PDZRN3: variants seen among roughly 807,000 people sequenced by gnomAD.
The protein encoded by PDZRN3 is E3 ubiquitin-protein ligase PDZRN3.
PDZRN3 carries 38 observed loss-of-function variants against 85.7 expected under a neutral mutation model. The observed-to-expected ratio is 0.44, with a 90% CI of 0.34 to 0.58. PDZRN3 has a LOEUF of 0.58. Ranked by LOEUF, PDZRN3 falls within the 20% of genes least tolerant of loss-of-function variation. The pLI, the probability that PDZRN3 is intolerant of heterozygous loss-of-function variation, is 0.01. For missense variants in PDZRN3, 1,629 were observed against 1,506.4 expected (o/e 1.08, Z -1.35); for synonymous variants, 759 against 638.0 (o/e 1.19, Z -2.86).
Position 73,384,231 on chromosome 3 carries a change from A to G in PDZRN3, c.2335T>C (p.Leu779=), listed in dbSNP as rs781475052. ...LTLEISPDNS[L]RRAAEGISCP... ...CTGATGCCCTCCGCCGCTCTCCTCA[A>G]GGAGTTGTCGGGGGAGATCTCCAGG... Residue 779 remains leucine, a synonymous_variant, in exon 10 of 10, where the codon TTG becomes CTG. Transcript: ENST00000263666. 6.2e-7 allele frequency: 1 copy of G among 1,613,660 alleles called. No homozygotes were observed. Among genetic ancestry groups the G allele is most frequent in the South Asian group, 1.1e-5 (1 of 91,070 alleles).
At chr3:73,544,428 T>C (rs944570511) in intron 3 of PDZRN3, among the ~76,000 whole-genome samples, 5 of 152,184 alleles carry the variant, frequency 3.3e-5, no homozygotes, top group Non-Finnish European at 5.9e-5. Flanking sequence ...GAGTGGCTTT[T>C]CCCCCCAGTT....
chr3:73,616,275 A>G (rs564348432), intron 1 of PDZRN3, among the ~76,000 whole-genome samples: 1 of 152,304 alleles, frequency 6.6e-6, no homozygotes, highest in African/African-American at 2.4e-5. Flanking sequence ...TTCTTTACAA[A>G]TCACCCAGCC....
intron 3 of PDZRN3, among the ~76,000 whole-genome samples, chr3:73,421,913 C>T (rs2106777979): frequency 6.6e-6 from 1 of 152,312 alleles, no homozygotes; most frequent in Non-Finnish European, 1.5e-5. Context: ...TCCCAAAGTG[C>T]TGGGATTACA....
intron 3 of PDZRN3, among the ~76,000 whole-genome samples, chr3:73,524,148 A>T (rs1376963210): frequency 1.3e-5 from 2 of 152,230 alleles, no homozygotes; most frequent in African/African-American, 4.8e-5. Flanking sequence ...TATTTAATAT[A>T]GAATCCTGCA....
At chr3:73,387,079 C>A (rs1267012390) in intron 8 of PDZRN3, among the ~76,000 whole-genome samples, 2 of 152,226 alleles carry the variant, frequency 1.3e-5, no homozygotes, top group African/African-American at 4.8e-5. Flanking sequence ...GCTTGGTTCT[C>A]ATCTCTCTTC....
At position 73,383,506 on chromosome 3, in the gene PDZRN3, CAGTTCGA is replaced by C; in HGVS notation, c.3053_3059del (p.Leu1018ArgfsTer6). 6.2e-7 allele frequency: 1 copy of C among 1,614,182 alleles called. No homozygotes were observed. Among genetic ancestry groups the C allele is most frequent in the Non-Finnish European group, 8.5e-7 (1 of 1,180,026 alleles). ...TCTTCTTCATCATCTTTTTGTGGCTCAGTTCGAGAATGTTCATCTCCTTCCTGTCATC... is the reference window on the plus strand; with the variant it reads ...TCTTCTTCATCATCTTTTTGTGGCTCGAATGTTCATCTCCTTCCTGTCATC... On this transcript the variant is annotated frameshift_variant, in exon 10 of 10. Coordinates refer to ENST00000263666, the MANE Select transcript of PDZRN3 (RefSeq NM_015009.3). LOFTEE classifies it high-confidence loss of function.
intron 3 of PDZRN3, among the ~76,000 whole-genome samples, chr3:73,447,118 T>G (rs1029866340): frequency 6.7e-6 from 1 of 149,720 alleles, no homozygotes; most frequent in East Asian, 1.9e-4. Flanking sequence ...TATATATAAT[T>G]TTGCAATCCA....
At chr3:73,430,156 T>C (rs1702402157) in intron 3 of PDZRN3, among the ~76,000 whole-genome samples, 1 of 152,230 alleles carries the variant, frequency 6.6e-6, no homozygotes, top group South Asian at 2.1e-4. Context: ...GTTTCTTCTC[T>C]TTGAAATAGG....
chr3:73,483,185 C>T (rs771638090), intron 3 of PDZRN3, among the ~76,000 whole-genome samples: 3 of 152,180 alleles, frequency 2.0e-5, no homozygotes, highest in Non-Finnish European at 4.4e-5. Context: ...AGGAGAATGT[C>T]ACCAAGAAAA....
intron 1 of PDZRN3, among the ~76,000 whole-genome samples, chr3:73,614,984 T>C (rs4642058): frequency 0.025 from 3,865 of 152,054 alleles, 72 homozygotes; most frequent in Non-Finnish European, 0.04. Flanking sequence ...TGAAATTAAG[T>C]TGAAATTGGA....
Position 73,619,996 on chromosome 3 carries a change from C to T in PDZRN3, c.723+4107G>A, listed in dbSNP as rs554113799. Among the ~76,000 whole-genome samples, 6 of 152,310 alleles carry T rather than the reference C, an allele frequency of 3.9e-5. No individual in the cohort carries two copies. In the East Asian group the frequency reaches 5.8e-4, roughly 15 times the overall value. On this transcript the variant is annotated intron_variant, in intron 1 of 9. Coordinates refer to ENST00000263666, the MANE Select transcript of PDZRN3 (RefSeq NM_015009.3). Reference sequence around the variant, plus strand: ...AATACTGTTGATACTACTTGGAAAGCGCTACTAGCCTCTAGTAGGTAGGTA... The same window carrying T: ...AATACTGTTGATACTACTTGGAAAGTGCTACTAGCCTCTAGTAGGTAGGTA...
intron 3 of PDZRN3, chr3:73,408,373 C>T (rs11924385): frequency 4.0e-4 from 241 of 599,148 alleles, no homozygotes; most frequent in African/African-American, 3.9e-3. Flanking sequence ...CTCCAGTGCT[C>T]GTGGGGATCC....
intron 3 of PDZRN3, among the ~76,000 whole-genome samples, chr3:73,453,049 T>C (rs1440724720): frequency 2.6e-5 from 4 of 152,002 alleles, no homozygotes; most frequent in African/African-American, 9.7e-5. Context: ...AAATGGAGTA[T>C]GGGGGCAAGA....
At chr3:73,414,960 G>A (rs992546366) in intron 3 of PDZRN3, among the ~76,000 whole-genome samples, 1 of 152,134 alleles carries the variant, frequency 6.6e-6, no homozygotes, top group East Asian at 1.9e-4. Context: ...ACACTTCCGC[G>A]TTATTTTCTA....
At chr3:73,585,041 A>G (rs558466689) in intron 3 of PDZRN3, among the ~76,000 whole-genome samples, 2 of 152,322 alleles carry the variant, frequency 1.3e-5, no homozygotes, top group South Asian at 2.1e-4. Flanking sequence ...CTTTGAAGAG[A>G]TAACATTTCA....
chr3:73,445,779 A>G (rs1053339652), intron 3 of PDZRN3, among the ~76,000 whole-genome samples: 1 of 152,254 alleles, frequency 6.6e-6, no homozygotes, highest in Non-Finnish European at 1.5e-5. Context: ...AAGCTAATAA[A>G]GTTCCCTCTC....
At chr3:73,617,067 A>C (rs528745880) in intron 1 of PDZRN3, among the ~76,000 whole-genome samples, 86 of 152,224 alleles carry the variant, frequency 5.6e-4, no homozygotes, top group African/African-American at 2.0e-3. Context: ...AAACACAGCA[A>C]AGACACGGGG....
At chr3:73,614,425 A>G (rs952216009) in intron 1 of PDZRN3, among the ~76,000 whole-genome samples, 1 of 152,176 alleles carries the variant, frequency 6.6e-6, no homozygotes, top group Non-Finnish European at 1.5e-5. Context: ...GCCACTGTCA[A>G]TGTGGACTCT....
chr3:73,561,821 T>TA (rs967018463), intron 3 of PDZRN3, among the ~76,000 whole-genome samples: 77 of 149,044 alleles, frequency 5.2e-4, no homozygotes, highest in East Asian at 1.4e-3. Flanking sequence ...CAAGCAAACT[T>TA]AAAAAAAAAA....
Sources: allele counts gnomAD v4.1 joint callset (sites outside exome capture counted in the v4.1 genomes callset), GRCh38; gene constraint gnomAD v4.1.1; transcripts MANE v1.5; gene names NCBI Gene and HGNC (gene_info 2026-07-23, HGNC 2026-07-21).